Variants in BCAS3 observed in about 807,000 individuals in gnomAD.
BCAS3 encodes BCAS4/BCAS3 fusion.
Under a neutral mutation model 116.1 loss-of-function variants are expected in BCAS3, and 53 were observed. That is an observed-to-expected ratio of 0.46 (90% CI 0.37 to 0.57). The LOEUF is 0.57. Ranked by LOEUF, BCAS3 falls within the 20% of genes least tolerant of loss-of-function variation. The pLI is 0.00. For synonymous variants in BCAS3, 391 were observed against 408.2 expected (o/e 0.96, Z 0.51); for missense variants, 917 against 1,165.4 (o/e 0.79, Z 3.10).
intron 22 of BCAS3, among the ~76,000 whole-genome samples, chr17:61,174,981 G>A (rs1241550528): frequency 6.6e-6 from 1 of 152,170 alleles, no homozygotes; most frequent in African/African-American, 2.4e-5. Flanking sequence ...CAGGAGAGAT[G>A]GTTTGACCAC....
At chr17:60,980,834 C>T (rs115651061) in intron 14 of BCAS3, among the ~76,000 whole-genome samples, 7,272 of 151,850 alleles carry the variant, frequency 0.048, 638 homozygotes, top group African/African-American at 0.17. Context: ...CTGTACCTGA[C>T]CTTTATTTAT....
intron 13 of BCAS3, among the ~76,000 whole-genome samples, chr17:60,934,089 A>G (rs1055754621): frequency 3.3e-5 from 5 of 150,884 alleles, no homozygotes; most frequent in Non-Finnish European, 5.9e-5. Flanking sequence ...ACCTCGCTAT[A>G]ATTTTCTGAT....
Position 61,140,604 on chromosome 17 carries a change from A to T in BCAS3, c.2425+56040A>T, listed in dbSNP as rs552739432. Reference sequence around the variant, plus strand: ...CTCCACTTTTTTTTTTTTTCTGGAGAAACAGCACTCTGGCATTTGGCCATC... The same window carrying T: ...CTCCACTTTTTTTTTTTTTCTGGAGTAACAGCACTCTGGCATTTGGCCATC... On this transcript the variant is annotated intron_variant, in intron 22 of 23. Transcript: ENST00000407086. This position sits in a 1 kb window ranked among gnomAD's most constrained non-coding sequence, Gnocchi z 4.2. Among the ~76,000 whole-genome samples the T allele has an allele frequency of 6.6e-6, 1 of 151,884 alleles. No individual in the cohort carries two copies. The highest frequency in any genetic ancestry group is 2.1e-4 in the South Asian group (1 of 4,812).
intron 5 of BCAS3, among the ~76,000 whole-genome samples, chr17:60,720,587 T>C (rs1278877727): frequency 6.6e-6 from 1 of 152,094 alleles, no homozygotes; most frequent in East Asian, 1.9e-4. Context: ...TCAGTCAATA[T>C]GGATAGAAAA....
chr17:60,915,832 G>A (rs1023980313), intron 12 of BCAS3, among the ~76,000 whole-genome samples: 4 of 151,694 alleles, frequency 2.6e-5, no homozygotes, highest in Admixed American at 6.6e-5. Context: ...ACAGGTGCCC[G>A]CCACCACACC....
intron 22 of BCAS3, among the ~76,000 whole-genome samples, chr17:61,167,542 T>C (rs1329449834): frequency 1.3e-5 from 2 of 152,252 alleles, no homozygotes; most frequent in Non-Finnish European, 2.9e-5. Context: ...ATCTAGCAGA[T>C]GTCTGTGAAA....
chr17:60,934,378 T>C (rs1335004934), intron 13 of BCAS3, among the ~76,000 whole-genome samples: 1 of 152,204 alleles, frequency 6.6e-6, no homozygotes, highest in African/African-American at 2.4e-5. Context: ...TGGGATACTA[T>C]GTAAAAATGT....
At chr17:61,046,311 G>A (rs1181720320) in intron 19 of BCAS3, among the ~76,000 whole-genome samples, 1 of 147,246 alleles carries the variant, frequency 6.8e-6, no homozygotes, top group East Asian at 2.0e-4. Flanking sequence ...AAAGTTTTTT[G>A]TTTTCCTTAA....
chr17:61,095,712 C>T lies in BCAS3; in HGVS notation c.2425+11148C>T, dbSNP rs2073922549. ...GAACTTCTGAGCTCAAGTGATCTGC[C>T]CACCTTGGCTTCCCAAAGTGCTGGG... On this transcript the variant is annotated intron_variant, in intron 22 of 23. Coordinates refer to ENST00000407086, the MANE Select transcript of BCAS3 (RefSeq NM_017679.5). The surrounding 1 kb of genome is among the most constrained non-coding windows in gnomAD (Gnocchi z 4.7). 6.6e-6 allele frequency among the ~76,000 whole-genome samples: 1 copy of T among 151,984 alleles called. No homozygotes were observed. The highest frequency in any genetic ancestry group is 1.5e-5 in the Non-Finnish European group (1 of 67,986).
At chr17:60,689,833 C>G in intron 4 of BCAS3, 72 bp downstream of exon 4, 3 of 1,055,566 alleles carry the variant, frequency 2.8e-6, no homozygotes, top group Non-Finnish European at 4.3e-6. Context: ...AAAAAGAGAG[C>G]CTCTACTTTA....
Position 61,222,332 on chromosome 17 carries a change from G to A in BCAS3, c.2425+137768G>A, listed in dbSNP as rs779402614. The stretch of plus-strand genomic sequence containing the variant: ...TTACAGTCGAAAAGCAAGAAACTTC[G>A]GCTTGACTAATGAGTATGGTCTTGG... On this transcript the variant is annotated intron_variant, in intron 22 of 23. Transcript: ENST00000407086. The surrounding 1 kb of genome is among the most constrained non-coding windows in gnomAD (Gnocchi z 6.1). 3.3e-5 allele frequency among the ~76,000 whole-genome samples: 5 copies of A among 152,124 alleles called. No homozygotes were observed. Among genetic ancestry groups the A allele is most frequent in the East Asian group, 1.9e-4 (1 of 5,192 alleles).
chr17:61,072,756 C>T (rs2071562682), intron 19 of BCAS3, among the ~76,000 whole-genome samples: 1 of 151,850 alleles, frequency 6.6e-6, no homozygotes, highest in South Asian at 2.1e-4. Context: ...CTGACTTAAC[C>T]TTCCACTCAC....
In BCAS3 at chr17:61,118,220, G is replaced by C. The variant is rs1311936728; in HGVS notation, c.2425+33656G>C. Among the ~76,000 whole-genome samples the C allele has an allele frequency of 9.9e-5, 15 of 152,098 alleles. No individual in the cohort carries two copies. The highest frequency in any genetic ancestry group is 7.9e-4 in the Admixed American group (12 of 15,262). ...CTGCCAGGTGGAGGTAGAAGCCCAG[G>C]TTCCTTACCACACTACTGTTACCAC... is the stretch of plus-strand genomic sequence containing the variant. On this transcript the variant is annotated intron_variant, in intron 22 of 23. Coordinates refer to ENST00000407086, the MANE Select transcript of BCAS3 (RefSeq NM_017679.5). The surrounding 1 kb of genome is among the most constrained non-coding windows in gnomAD (Gnocchi z 5.0).
rs1265249495 is a variant in BCAS3 at position 61,364,129 on chromosome 17, C to G, written c.2426-4198C>G. 6.6e-6 allele frequency among the ~76,000 whole-genome samples: 1 copy of G among 152,224 alleles called. No homozygotes were observed. Among genetic ancestry groups the G allele is most frequent in the Non-Finnish European group, 1.5e-5 (1 of 68,044 alleles). On this transcript the variant is annotated intron_variant, in intron 22 of 23. Coordinates refer to ENST00000407086, the MANE Select transcript of BCAS3 (RefSeq NM_017679.5). This position sits in a 1 kb window ranked among gnomAD's most constrained non-coding sequence, Gnocchi z 5.4. The stretch of plus-strand genomic sequence containing the variant: ...AGCAGGACCACTGATTGTATCCTCT[C>G]TATGACGTCTCAGGACGGTAGAAAT...
intron 22 of BCAS3, among the ~76,000 whole-genome samples, chr17:61,297,841 A>G (rs2053072013): frequency 6.6e-6 from 1 of 152,226 alleles, no homozygotes; most frequent in Non-Finnish European, 1.5e-5. Context: ...AGCACATTCT[A>G]CTTTTCTCTA....
intron 22 of BCAS3, among the ~76,000 whole-genome samples, chr17:61,207,344 A>AT (rs1297823082): frequency 6.6e-6 from 1 of 152,204 alleles, no homozygotes; most frequent in East Asian, 1.9e-4. Flanking sequence ...ATGAAGATAT[A>AT]TATTAATTCA....
chr17:61,284,342 T>C (rs2051533100), intron 22 of BCAS3, among the ~76,000 whole-genome samples: 1 of 152,162 alleles, frequency 6.6e-6, no homozygotes, highest in Admixed American at 6.5e-5. Context: ...CACACTAGCT[T>C]TATGAGCTGT....
chr17:61,169,877 CAG>C (rs2078730877), intron 22 of BCAS3, among the ~76,000 whole-genome samples: 1 of 152,090 alleles, frequency 6.6e-6, no homozygotes. Context: ...TCTTTTGAGA[CAG>C]AGTCTTGCAC....
In BCAS3 at chr17:61,262,732, G is replaced by A. The variant is rs549026284; in HGVS notation, c.2426-105595G>A. On this transcript the variant is annotated intron_variant, in intron 22 of 23. Transcript: ENST00000407086. ...TTTGAGACAGAGTTTCACTCTTGTT[G>A]CCCAGGCTAGAGTGCAATGGCACTA... Among the ~76,000 whole-genome samples the A allele has an allele frequency of 3.0e-5, 4 of 131,880 alleles. No individual in the cohort carries two copies. The Admixed American group carries it at 3.4e-4, about 11-fold the overall frequency. The allele number at this position is 131,880 out of a possible 152,430, so 86.5% of individuals were successfully genotyped here.
Sources: allele counts gnomAD v4.1 joint callset (sites outside exome capture counted in the v4.1 genomes callset), GRCh38; gene constraint gnomAD v4.1.1; non-coding constraint Gnocchi (gnomAD v3.1); transcripts MANE v1.5; gene names NCBI Gene and HGNC (gene_info 2026-07-23, HGNC 2026-07-21).